MARCHF5: variants seen among roughly 807,000 people sequenced by gnomAD.
MARCHF5 encodes the protein membrane associated ring-CH-type finger 5, also known as E3 ubiquitin-protein ligase MARCHF5.
In MARCHF5, 5 loss-of-function variants were observed where a neutral mutation model predicts 36.5. That is an observed-to-expected ratio of 0.14 (90% confidence interval 0.07 to 0.29). The LOEUF (loss-of-function observed/expected upper bound fraction) is 0.29, where lower values mean the gene tolerates loss of function less well. MARCHF5 is among the 10% of genes least tolerant of loss of function. The pLI, the probability that MARCHF5 is intolerant of heterozygous loss-of-function variation, is 1.00. For missense variants in MARCHF5, 179 were observed against 336.3 expected, an observed-to-expected ratio of 0.53 and a Z score of 3.66; for synonymous variants, 103 against 109.9, an observed-to-expected ratio of 0.94 and a Z score of 0.39.
chr10:92,300,584 G>GT (rs1306627167), intron 1 of MARCHF5, among the ~76,000 whole-genome samples: 1 of 151,686 alleles, frequency 6.6e-6, no homozygotes, highest in African/African-American at 2.4e-5. Flanking sequence ...TCCCTATTAT[G>GT]TTTAAGATAT....
At chr10:92,340,081 A>G (rs1380673537) in intron 2 of MARCHF5, among the ~76,000 whole-genome samples, 1 of 152,212 alleles carries the variant, frequency 6.6e-6, no homozygotes, top group South Asian at 2.1e-4. Flanking sequence ...GAGTGAAGTC[A>G]GAGAAATGAT....
chr10:92,312,665 C>A (rs566981203), intron 2 of MARCHF5, among the ~76,000 whole-genome samples: 1 of 152,242 alleles, frequency 6.6e-6, no homozygotes, highest in Non-Finnish European at 1.5e-5. Context: ...TTAGATAGCC[C>A]CACCTTTGAA....
chr10:92,348,598 C>G (rs1452860699), intron 3 of MARCHF5, among the ~76,000 whole-genome samples: 1 of 127,878 alleles, frequency 7.8e-6, no homozygotes, highest in Non-Finnish European at 1.7e-5. Context: ...TTTTGTATTT[C>G]TCGCCTTCTG....
At chr10:92,320,974 A>G (rs574938362) in intron 2 of MARCHF5, among the ~76,000 whole-genome samples, 2 of 152,152 alleles carry the variant, frequency 1.3e-5, no homozygotes, top group South Asian at 4.1e-4. Context: ...CAGGTATACC[A>G]TCTTTTATCT....
intron 2 of MARCHF5, among the ~76,000 whole-genome samples, chr10:92,332,889 G>A (rs1341643659): frequency 6.6e-6 from 1 of 151,732 alleles, no homozygotes; most frequent in Admixed American, 6.6e-5. Flanking sequence ...TGTTGGCCGG[G>A]TGCGGTGGCT....
At chr10:92,332,577 A>G (rs1304100982) in intron 2 of MARCHF5, among the ~76,000 whole-genome samples, 2 of 145,248 alleles carry the variant, frequency 1.4e-5, no homozygotes, top group Non-Finnish European at 3.0e-5. Context: ...CTAGAGTGCA[A>G]TGGCGCAATC....
chr10:92,339,557 C>T (rs1401654271), intron 2 of MARCHF5, among the ~76,000 whole-genome samples: 1 of 151,936 alleles, frequency 6.6e-6, no homozygotes, highest in East Asian at 1.9e-4. Context: ...GTAATCCTAG[C>T]TACTCAGGAC....
At chr10:92,300,180 G>C (rs973027785) in intron 1 of MARCHF5, among the ~76,000 whole-genome samples, 1 of 148,962 alleles carries the variant, frequency 6.7e-6, no homozygotes, top group Admixed American at 6.7e-5. Context: ...AAAAAGAAAA[G>C]AAAAGAAAAA....
At chr10:92,346,441 T>C (rs1843644635) in intron 3 of MARCHF5, among the ~76,000 whole-genome samples, 1 of 152,132 alleles carries the variant, frequency 6.6e-6, no homozygotes, top group Non-Finnish European at 1.5e-5. Flanking sequence ...TTCACTTTAG[T>C]TGTAACAAGT....
In MARCHF5 at chr10:92,340,875, TAA is replaced by T. The variant is rs56744334; in HGVS notation, c.369+75_369+76del. On this transcript the variant is annotated intron_variant, in intron 3 of 5. Coordinates refer to ENST00000358935, the MANE Select transcript of MARCHF5 (RefSeq NM_017824.5). The stretch of plus-strand genomic sequence containing the variant: ...ATTAAAACATTTTTTGTTAGACATT[TAA>T]AAGTGTATTATTTTGAATAAGAAAT... 7.4e-4 allele frequency: 910 copies of T among 1,227,228 alleles called. 7 individuals are homozygous for T. In the African/African-American group the frequency reaches 0.013, roughly 17 times the overall value. The allele number at this position is 1,227,228 out of a possible 1,614,324, so 76.0% of individuals were successfully genotyped here.
rs550636620 is a variant in MARCHF5, at chr10:92,298,982, CT to C, written c.35+7465del. 5.7e-3 allele frequency among the ~76,000 whole-genome samples: 833 copies of C among 145,206 alleles called. 7 individuals carry two copies. Among genetic ancestry groups the C allele is most frequent in the African/African-American group, 0.016 (630 of 39,964 alleles). On this transcript the variant is annotated intron_variant, in intron 1 of 5. Coordinates refer to ENST00000358935, the MANE Select transcript of MARCHF5 (RefSeq NM_017824.5). Reference sequence around the variant, plus strand: ...GCATGCCCAGCTAATTTTTTTTAAACTTTTTTTTTTTTGGTGGGGAGGGGGA... The same window carrying C: ...GCATGCCCAGCTAATTTTTTTTAAACTTTTTTTTTTTGGTGGGGAGGGGGA...
chr10:92,301,372 T>C (rs902971518), intron 1 of MARCHF5, among the ~76,000 whole-genome samples: 4 of 152,196 alleles, frequency 2.6e-5, no homozygotes, highest in Admixed American at 2.6e-4. Context: ...GAAATGTAAA[T>C]GTGAATTTTT....
At chr10:92,292,462 C>G (rs1842891745) in intron 1 of MARCHF5, among the ~76,000 whole-genome samples, 1 of 152,204 alleles carries the variant, frequency 6.6e-6, no homozygotes, top group Admixed American at 6.5e-5. Context: ...TCTTTGTACT[C>G]AGTAAAATTC....
chr10:92,353,766 T>G lies in MARCHF5; in HGVS notation c.*2559T>G, dbSNP rs1218277136. 1 of 152,648 alleles carries G rather than the reference T, an allele frequency of 6.6e-6. No homozygotes were observed. The highest frequency in any genetic ancestry group is 2.4e-5 in the African/African-American group (1 of 41,458). The allele number at this position is 152,648 out of a possible 1,614,324, so 9.5% of individuals were successfully genotyped here. A position where few individuals can be genotyped will look rare whatever the true frequency, so the allele number is the denominator to read the frequency against. ...ACTAGAATTCTTTTCAAAAGTTAACTTATCTCCAAAGTGGCTGAAAATATT... is the reference window on the plus strand; with the variant it reads ...ACTAGAATTCTTTTCAAAAGTTAACGTATCTCCAAAGTGGCTGAAAATATT... On this transcript the variant is annotated 3_prime_UTR_variant, in exon 6 of 6. Coordinates refer to ENST00000358935, the MANE Select transcript of MARCHF5 (RefSeq NM_017824.5).
At chr10:92,315,616 T>G (rs531438527) in intron 2 of MARCHF5, among the ~76,000 whole-genome samples, 1 of 152,344 alleles carries the variant, frequency 6.6e-6, no homozygotes, top group South Asian at 2.1e-4. Context: ...CACTCCTAGT[T>G]CACTGGTCAC....
At chr10:92,345,240 G>A (rs1036249839) in intron 3 of MARCHF5, among the ~76,000 whole-genome samples, 2 of 151,972 alleles carry the variant, frequency 1.3e-5, no homozygotes, top group African/African-American at 4.8e-5. Context: ...GCCAGGTGCT[G>A]TAGCTCATGC....
chr10:92,328,084 T>G (rs1372772651), intron 2 of MARCHF5, among the ~76,000 whole-genome samples: 1 of 152,106 alleles, frequency 6.6e-6, no homozygotes, highest in East Asian at 1.9e-4. Flanking sequence ...TTGAGGGATA[T>G]TATACAAAAT....
intron 1 of MARCHF5, among the ~76,000 whole-genome samples, chr10:92,307,393 T>A (rs1333013469): frequency 6.6e-6 from 1 of 152,272 alleles, no homozygotes; most frequent in South Asian, 2.1e-4. Context: ...GTAGATTAAA[T>A]TTAAACAACT....
intron 2 of MARCHF5, among the ~76,000 whole-genome samples, chr10:92,322,244 CAAAAAAAAAAAAAA>C (rs56391697): frequency 2.9e-4 from 8 of 27,750 alleles, no homozygotes; most frequent in Admixed American, 6.2e-4. Flanking sequence ...AACTCCGTCT[CAAAAAAAAAAAAAA>C]AAAAAAAAAA....
Sources: allele counts gnomAD v4.1 joint callset (sites outside exome capture counted in the v4.1 genomes callset), GRCh38; gene constraint gnomAD v4.1.1; transcripts MANE v1.5; gene names NCBI Gene and HGNC (gene_info 2026-07-23, HGNC 2026-07-21).